AIG1: variants seen among roughly 807,000 people sequenced by gnomAD.
The protein encoded by AIG1 is androgen-induced gene 1 protein.
In AIG1, 23 loss-of-function variants were observed where a neutral mutation model predicts 31.4. The observed-to-expected ratio is 0.73, with a 90% CI of 0.53 to 1.04. The LOEUF is 1.04. AIG1 is among the 50% of genes least tolerant of loss of function. The pLI is 0.00. For synonymous variants in AIG1, 100 were observed against 110.5 expected (o/e 0.90, Z 0.60); for missense variants, 274 against 295.0 (o/e 0.93, Z 0.52).
At chr6:143,161,364 T>G (rs1786357183) in intron 2 of AIG1, among the ~76,000 whole-genome samples, 1 of 151,960 alleles carries the variant, frequency 6.6e-6, no homozygotes, top group Non-Finnish European at 1.5e-5. Context: ...AGGAAACACT[T>G]CCCAACTCAC....
intron 1 of AIG1, among the ~76,000 whole-genome samples, chr6:143,102,040 C>T (rs1462150394): frequency 1.3e-5 from 2 of 152,198 alleles, no homozygotes; most frequent in East Asian, 3.9e-4. Context: ...ATTCAGTCTC[C>T]TACAGTATTA....
rs1326651793 is a variant in AIG1 at position 143,060,889 on chromosome 6, C to T, written c.-37C>T. The stretch of plus-strand genomic sequence containing the variant: ...GCCCGGCGCCTCCCTCACGCCCGCC[C>T]TCCTTGCCGCCCAGCCGGTCCAGGC... On this transcript the variant is annotated 5_prime_UTR_variant, in exon 1 of 6. Coordinates refer to ENST00000357847, the MANE Select transcript of AIG1 (RefSeq NM_016108.4). The T allele has an allele frequency of 4.2e-6, 6 of 1,414,756 alleles. No individual in the cohort carries two copies. The highest frequency in any genetic ancestry group is 5.6e-6 in the Non-Finnish European group (6 of 1,072,902). The allele number at this position is 1,414,756 out of a possible 1,614,324, so 87.6% of individuals were successfully genotyped here. A position where few individuals can be genotyped will look rare whatever the true frequency, so the allele number is the denominator to read the frequency against.
intron 3 of AIG1, among the ~76,000 whole-genome samples, chr6:143,257,745 C>G (rs555334697): frequency 1.3e-5 from 2 of 152,150 alleles, no homozygotes; most frequent in African/African-American, 4.8e-5. Flanking sequence ...AACCTGTCAG[C>G]GCATCATTGT....
intron 2 of AIG1, among the ~76,000 whole-genome samples, chr6:143,147,365 C>A (rs1784800688): frequency 6.6e-6 from 1 of 152,062 alleles, no homozygotes. Flanking sequence ...AGTGGCATGC[C>A]CAAGTTTACA....
intron 3 of AIG1, among the ~76,000 whole-genome samples, chr6:143,177,987 G>C (rs1323748138): frequency 6.6e-6 from 1 of 152,202 alleles, no homozygotes; most frequent in Non-Finnish European, 1.5e-5. Context: ...TGGTGGGCCT[G>C]GTCAGGCGGA....
At position 143,136,998 on chromosome 6, in the gene AIG1, T is replaced by A. The variant is rs758904744; in HGVS notation, c.297+8T>A. ...GCCTTTCCTGTTGGGGTTGTGAGTA[T>A]GATGGAGGATGCATTTAGCCACAAA... is the stretch of plus-strand genomic sequence containing the variant. On this transcript the variant is annotated splice_region_variant and intron_variant, in intron 2 of 5. Coordinates refer to ENST00000357847, the MANE Select transcript of AIG1 (RefSeq NM_016108.4). 1 of 1,387,558 alleles carries A rather than the reference T, an allele frequency of 7.2e-7. No homozygotes were observed. Among genetic ancestry groups the A allele is most frequent in the African/African-American group, 1.5e-5 (1 of 68,218 alleles). The allele number at this position is 1,387,558 out of a possible 1,614,324, so 86.0% of individuals were successfully genotyped here.
chr6:143,333,538 T>G lies in AIG1; in HGVS notation c.679+93T>G. ...GGGAAAATTCCACTGTAGCCTCTTC[T>G]TTTAGCCTTCACACAGGATCTCCTA... On this transcript the variant is annotated intron_variant, in intron 5 of 5. Coordinates refer to ENST00000357847, the MANE Select transcript of AIG1 (RefSeq NM_016108.4). The surrounding 1 kb of genome is among the most constrained non-coding windows in gnomAD (Gnocchi z 4.6). 7.5e-7 allele frequency: 1 copy of G among 1,331,298 alleles called. No individual in the cohort carries two copies. The allele number at this position is 1,331,298 out of a possible 1,614,324, so 82.5% of individuals were successfully genotyped here. A position where few individuals can be genotyped will look rare whatever the true frequency, so the allele number is the denominator to read the frequency against.
At chr6:143,322,700 A>C (rs1643625563) in intron 4 of AIG1, among the ~76,000 whole-genome samples, 1 of 152,146 alleles carries the variant, frequency 6.6e-6, no homozygotes, top group African/African-American at 2.4e-5. Context: ...TTGGAGGAAA[A>C]TGTTCTGAAG....
chr6:143,261,146 T>C (rs776211358), intron 3 of AIG1, among the ~76,000 whole-genome samples: 1 of 152,084 alleles, frequency 6.6e-6, no homozygotes, highest in Non-Finnish European at 1.5e-5. Context: ...TTTTTTTCTC[T>C]TTTGAGACAG....
chr6:143,165,627 G>A (rs192320673), intron 3 of AIG1, among the ~76,000 whole-genome samples: 4 of 152,302 alleles, frequency 2.6e-5, no homozygotes, highest in Admixed American at 2.6e-4. Context: ...CCTCAGATGG[G>A]CAGCAAGGCT....
intron 5 of AIG1, 133 bp from the exon 6 acceptor site, chr6:143,339,506 G>A (rs902573401): frequency 3.5e-5 from 28 of 803,774 alleles, no homozygotes; most frequent in Non-Finnish European, 7.9e-6. Context: ...GGAATAGGGG[G>A]TGTGTCAGGA....
chr6:143,261,219 C>T (rs1221058009), intron 3 of AIG1, among the ~76,000 whole-genome samples: 7 of 152,162 alleles, frequency 4.6e-5, no homozygotes, highest in Non-Finnish European at 1.0e-4. Flanking sequence ...GCAATCTCCG[C>T]CTCCCGGGTT....
chr6:143,074,216 GCTGTGCAAAAGA>G (rs1193024532), intron 1 of AIG1, among the ~76,000 whole-genome samples: 2 of 152,090 alleles, frequency 1.3e-5, no homozygotes, highest in Non-Finnish European at 2.9e-5. Context: ...TGTTTCCTTT[GCTGTGCAAAAGA>G]CTTTTAGTTT....
In AIG1 at chr6:143,284,747, A is replaced by C. The variant is rs1311129446; in HGVS notation, c.515+522A>C. Among the ~76,000 whole-genome samples, 1 of 152,202 alleles carries C rather than the reference A, an allele frequency of 6.6e-6. No individual in the cohort carries two copies. Among genetic ancestry groups the C allele is most frequent in the Non-Finnish European group, 1.5e-5 (1 of 68,030 alleles). Reference sequence around the variant, plus strand: ...TGTTCTGTTTTTAAATATTGGGATAAATAAACCACAAGAAATCTTCATTTG... The same window carrying C: ...TGTTCTGTTTTTAAATATTGGGATACATAAACCACAAGAAATCTTCATTTG... On this transcript the variant is annotated intron_variant, in intron 4 of 5. Transcript: ENST00000357847. This position sits in a 1 kb window ranked among gnomAD's most constrained non-coding sequence, Gnocchi z 4.4.
intron 3 of AIG1, among the ~76,000 whole-genome samples, chr6:143,181,980 A>AT (rs1788766720): frequency 6.6e-6 from 1 of 151,086 alleles, no homozygotes; most frequent in Admixed American, 6.6e-5. Context: ...TTAGGGATTA[A>AT]TTTTTTCTCT....
rs1040038836 is a variant in AIG1, at chr6:143,095,738, A to C, written c.141+34672A>C. Among the ~76,000 whole-genome samples, 5 of 152,072 alleles carry C rather than the reference A, an allele frequency of 3.3e-5. No homozygotes were observed. The South Asian group carries it at 1.0e-3, about 31-fold the overall frequency. On this transcript the variant is annotated intron_variant, in intron 1 of 5. Coordinates refer to ENST00000357847, the MANE Select transcript of AIG1 (RefSeq NM_016108.4). ...TGCATATACCTCATCTTGTTTTTTC[A>C]TCCCTTTATTACTGCATTTTAATTG...
intron 3 of AIG1, among the ~76,000 whole-genome samples, chr6:143,266,346 CAAAAAA>C (rs398002969): frequency 2.1e-5 from 2 of 93,222 alleles, no homozygotes; most frequent in African/African-American, 4.0e-5. Context: ...GAGTCCGTCT[CAAAAAA>C]AAAAAAAAAA....
chr6:143,060,087 G>C (rs1776103568), upstream of AIG1, among the ~76,000 whole-genome samples: 1 of 152,200 alleles, frequency 6.6e-6, no homozygotes, highest in African/African-American at 2.4e-5. Context: ...GTGGCAGAAA[G>C]TTATTTGAAA....
At chr6:143,253,665 T>C (rs1795169826) in intron 3 of AIG1, among the ~76,000 whole-genome samples, 1 of 152,220 alleles carries the variant, frequency 6.6e-6, no homozygotes, top group South Asian at 2.1e-4. Context: ...TCCTCGGTTT[T>C]TGCACTGAAA....
Sources: gnomAD v4.1 joint callset for allele counts (sites outside exome capture counted in the v4.1 genomes callset) on GRCh38, gnomAD v4.1.1 for gene constraint, Gnocchi (gnomAD v3.1) non-coding constraint, MANE v1.5 for transcripts, NCBI Gene and HGNC (gene_info 2026-07-23, HGNC 2026-07-21) for gene names.